KIRREL3: variants seen among roughly 807,000 people sequenced by gnomAD.
KIRREL3 encodes the protein kin of IRRE-like protein 3.
KIRREL3 carries 36 observed loss-of-function variants against 89.7 expected under a neutral mutation model. The ratio of observed to expected loss-of-function variants is 0.40; its 90% CI spans 0.31 to 0.53. The LOEUF is 0.53. Among genes scored for constraint, KIRREL3 ranks in the 20% least tolerant of loss-of-function variants. The pLI, the probability that KIRREL3 is intolerant of heterozygous loss-of-function variation, is 0.49. For synonymous variants in KIRREL3, 445 were observed against 441.4 expected (o/e 1.01, Z -0.10); for missense variants, 864 against 1,056.6 (o/e 0.82, Z 2.53).
At chr11:126,690,807 C>T (rs1293483498) in intron 1 of KIRREL3, among the ~76,000 whole-genome samples, 2 of 152,198 alleles carry the variant, frequency 1.3e-5, no homozygotes, top group African/African-American at 4.8e-5. Context: ...ACCTTTATGG[C>T]CCACAGTAAG....
At chr11:126,878,678 G>A (rs1945383226) in intron 1 of KIRREL3, among the ~76,000 whole-genome samples, 1 of 152,026 alleles carries the variant, frequency 6.6e-6, no homozygotes, top group Non-Finnish European at 1.5e-5. Context: ...ATTTGACCTA[G>A]TAATTTGAGG....
rs1951375608 is a variant in KIRREL3 at position 126,811,210 on chromosome 11, C to A, written c.55+189245G>T. On this transcript the variant is annotated intron_variant, in intron 1 of 16. Transcript: ENST00000525144. The surrounding 1 kb of genome is among the most constrained non-coding windows in gnomAD (Gnocchi z 4.3). Reference sequence around the variant, plus strand: ...CCTGACAGTTCACAATTCTGTCTTTCCTCCTGCTGAGAATTCTTCTGTTTT... The same window carrying A: ...CCTGACAGTTCACAATTCTGTCTTTACTCCTGCTGAGAATTCTTCTGTTTT... Among the ~76,000 whole-genome samples, 1 of 152,220 alleles carries A rather than the reference C, an allele frequency of 6.6e-6. No homozygotes were observed. Among genetic ancestry groups the A allele is most frequent in the Admixed American group, 6.5e-5 (1 of 15,284 alleles).
intron 2 of KIRREL3, among the ~76,000 whole-genome samples, chr11:126,548,358 T>C (rs111740778): frequency 0.058 from 8,761 of 152,232 alleles, 310 homozygotes; most frequent in African/African-American, 0.087. Flanking sequence ...TTCTCTTTAG[T>C]TGCGGAGGCC....
chr11:126,723,836 C>T lies in KIRREL3; in HGVS notation c.56-160924G>A, dbSNP rs61897891. 0.075 allele frequency among the ~76,000 whole-genome samples: 11,468 copies of T among 152,204 alleles called. 666 individuals carry two copies. Among genetic ancestry groups the T allele is most frequent in the African/African-American group, 0.16 (6,731 of 41,484 alleles). On this transcript the variant is annotated intron_variant, in intron 1 of 16. Transcript: ENST00000525144. This position sits in a 1 kb window ranked among gnomAD's most constrained non-coding sequence, Gnocchi z 4.0. Reference sequence around the variant, plus strand: ...ACTCAGAACTTTGGAAAAAGTCCAACGAGCAACAAAATACTCAAAATACTT... The same window carrying T: ...ACTCAGAACTTTGGAAAAAGTCCAATGAGCAACAAAATACTCAAAATACTT...
rs1372279121 is a variant in KIRREL3 at position 126,989,059 on chromosome 11, G to A, written c.55+11396C>T. 2.6e-5 allele frequency among the ~76,000 whole-genome samples: 4 copies of A among 152,144 alleles called. No homozygotes were observed. Among genetic ancestry groups the A allele is most frequent in the Non-Finnish European group, 5.9e-5 (4 of 68,026 alleles). ...CAGCAGGGCCAAGGTCAAACACCTC[G>A]TTGGTATAACATCTTTTAATTTGAG... On this transcript the variant is annotated intron_variant, in intron 1 of 16. Transcript: ENST00000525144. The surrounding 1 kb of genome is among the most constrained non-coding windows in gnomAD (Gnocchi z 6.2).
Position 126,710,818 on chromosome 11 carries a change from C to T in KIRREL3, c.56-147906G>A, listed in dbSNP as rs1294967501. On this transcript the variant is annotated intron_variant, in intron 1 of 16. Coordinates refer to ENST00000525144, the MANE Select transcript of KIRREL3 (RefSeq NM_032531.4). This position sits in a 1 kb window ranked among gnomAD's most constrained non-coding sequence, Gnocchi z 4.2. The stretch of plus-strand genomic sequence containing the variant: ...ATCTACTACAGTTTGACAACTGCCA[C>T]AAACACAAATCTTATTTGGGAGTTG... Among the ~76,000 whole-genome samples the T allele has an allele frequency of 6.6e-6, 1 of 152,236 alleles. No individual in the cohort carries two copies. The highest frequency in any genetic ancestry group is 6.5e-5 in the Admixed American group (1 of 15,294).
Position 126,540,807 on chromosome 11 carries a change from C to T in KIRREL3, c.134-14120G>A, listed in dbSNP as rs960611553. Among the ~76,000 whole-genome samples, 5 of 152,176 alleles carry T rather than the reference C, an allele frequency of 3.3e-5. No homozygotes were observed. In the South Asian group the frequency reaches 8.3e-4, roughly 25 times the overall value. ...GGGAGTGGAGATGGGAGATGCTCGA[C>T]AGCGCATGAAGCAGAGACCCTGGCT... On this transcript the variant is annotated intron_variant, in intron 2 of 16. Coordinates refer to ENST00000525144, the MANE Select transcript of KIRREL3 (RefSeq NM_032531.4).
At chr11:126,538,562 G>T (rs1202539998) in intron 2 of KIRREL3, among the ~76,000 whole-genome samples, 5 of 152,164 alleles carry the variant, frequency 3.3e-5, no homozygotes, top group Admixed American at 2.6e-4. Flanking sequence ...TAACACAGGA[G>T]GATCAGCTTT....
At position 126,513,653 on chromosome 11, in the gene KIRREL3, G is replaced by C. The variant is rs1175704698; in HGVS notation, c.433+7662C>G. Among the ~76,000 whole-genome samples, 1 of 152,154 alleles carries C rather than the reference G, an allele frequency of 6.6e-6. No individual in the cohort carries two copies. The highest frequency in any genetic ancestry group is 2.4e-5 in the African/African-American group (1 of 41,426). On this transcript the variant is annotated intron_variant, in intron 4 of 16. Transcript: ENST00000525144. This position sits in a 1 kb window ranked among gnomAD's most constrained non-coding sequence, Gnocchi z 5.9. ...CAGGCTGTGATGAGGATGGGAGATGGAGTGGGTAAAGAGACAGAGGCCATG... is the reference window on the plus strand; with the variant it reads ...CAGGCTGTGATGAGGATGGGAGATGCAGTGGGTAAAGAGACAGAGGCCATG...
chr11:126,693,631 A>C (rs180761512), intron 1 of KIRREL3, among the ~76,000 whole-genome samples: 88 of 151,568 alleles, frequency 5.8e-4, no homozygotes, highest in African/African-American at 1.9e-3. Flanking sequence ...ACACACACAC[A>C]CCCATAGTCA....
intron 1 of KIRREL3, among the ~76,000 whole-genome samples, chr11:126,929,841 T>C (rs1947865917): frequency 6.6e-6 from 1 of 152,094 alleles, no homozygotes; most frequent in Non-Finnish European, 1.5e-5. Context: ...TCCTCTGCGC[T>C]CTCTTTCCAC....
rs529179563 is a variant in KIRREL3, at chr11:126,811,866, T to A, written c.55+188589A>T. On this transcript the variant is annotated intron_variant, in intron 1 of 16. Transcript: ENST00000525144. This position sits in a 1 kb window ranked among gnomAD's most constrained non-coding sequence, Gnocchi z 4.3. ...CCTCATAAAGTGCTGGGATTACAGG[T>A]GTGAGCCACTGTGCCTGGCCAGCAA... 1.6e-4 allele frequency among the ~76,000 whole-genome samples: 24 copies of A among 152,242 alleles called. No homozygotes were observed. The highest frequency in any genetic ancestry group is 5.5e-4 in the African/African-American group (23 of 41,536).
At chr11:126,617,589 TG>T (rs922324813) in intron 1 of KIRREL3, among the ~76,000 whole-genome samples, 1 of 152,226 alleles carries the variant, frequency 6.6e-6, no homozygotes, top group Non-Finnish European at 1.5e-5. Flanking sequence ...TGAATATTGA[TG>T]GTTGTAGAGC....
intron 1 of KIRREL3, among the ~76,000 whole-genome samples, chr11:126,756,297 C>T (rs1042311962): frequency 2.0e-5 from 3 of 152,230 alleles, no homozygotes; most frequent in African/African-American, 7.2e-5. Context: ...TTGTTCTTCT[C>T]ACCCTTCAAA....
intron 4 of KIRREL3, among the ~76,000 whole-genome samples, chr11:126,482,479 T>A (rs10893521): frequency 0.47 from 71,157 of 152,164 alleles, 18,294 homozygotes; most frequent in African/African-American, 0.69. Flanking sequence ...AAAATATGAA[T>A]TAAAATAACA....
At chr11:126,661,524 G>A (rs1945401180) in intron 1 of KIRREL3, among the ~76,000 whole-genome samples, 1 of 152,214 alleles carries the variant, frequency 6.6e-6, no homozygotes, top group South Asian at 2.1e-4. Context: ...TCTATGTGTT[G>A]CTAATAGCTA....
chr11:126,658,875 G>C (rs567943066), intron 1 of KIRREL3, among the ~76,000 whole-genome samples: 1 of 152,086 alleles, frequency 6.6e-6, no homozygotes, highest in Non-Finnish European at 1.5e-5. Flanking sequence ...ATAAACAATC[G>C]GACTTGTTAC....
intron 13 of KIRREL3, among the ~76,000 whole-genome samples, chr11:126,434,890 G>A (rs956803865): frequency 6.6e-6 from 1 of 152,086 alleles, no homozygotes; most frequent in Non-Finnish European, 1.5e-5. Context: ...GTGGAGAAGC[G>A]GGAAGGGTCG....
At chr11:126,517,175 A>G (rs1453771551) in intron 4 of KIRREL3, among the ~76,000 whole-genome samples, 3 of 151,612 alleles carry the variant, frequency 2.0e-5, no homozygotes, top group Non-Finnish European at 4.4e-5. Context: ...AGAGAGACAG[A>G]GTGTTTAATG....
Sources: gnomAD v4.1 joint callset for allele counts (sites outside exome capture counted in the v4.1 genomes callset) on GRCh38, gnomAD v4.1.1 for gene constraint, Gnocchi (gnomAD v3.1) non-coding constraint, MANE v1.5 for transcripts, NCBI Gene and HGNC (gene_info 2026-07-23, HGNC 2026-07-21) for gene names.